The following SLCO5A1 variants were observed in gnomAD, a reference collection of about 807,000 sequenced individuals.
The protein encoded by SLCO5A1 is organic anion transporter polypeptide-related protein 4.
A neutral mutation model predicts 65.1 loss-of-function variants in SLCO5A1; 39 were observed. That is an observed-to-expected ratio of 0.60 (90% confidence interval 0.46 to 0.78). SLCO5A1 has a LOEUF of 0.78. Among genes scored for constraint, SLCO5A1 ranks in the 30% least tolerant of loss-of-function variants. The probability of loss-of-function intolerance (pLI) is 0.00; values close to 1 mark genes in which losing one functional copy is unlikely to be tolerated. For missense variants in SLCO5A1, 1,029 were observed against 1,069.4 expected, an observed-to-expected ratio of 0.96 and a Z score of 0.53; for synonymous variants, 438 against 415.7, an observed-to-expected ratio of 1.05 and a Z score of -0.65.
intron 6 of SLCO5A1, among the ~76,000 whole-genome samples, chr8:69,687,500 C>CT (rs1348405527): frequency 1.3e-5 from 2 of 152,154 alleles, no homozygotes; most frequent in Admixed American, 1.3e-4. Flanking sequence ...TATGTACAAA[C>CT]TATCTCTTTA....
intron 6 of SLCO5A1, among the ~76,000 whole-genome samples, chr8:69,689,371 T>C (rs1401649505): frequency 2.0e-5 from 2 of 100,740 alleles, no homozygotes; most frequent in African/African-American, 1.0e-4. Context: ...TTTTGGCTTT[T>C]GTTGCCATTG....
At chr8:69,722,023 C>A (rs1417290480) in intron 5 of SLCO5A1, among the ~76,000 whole-genome samples, 1 of 151,890 alleles carries the variant, frequency 6.6e-6, no homozygotes, top group African/African-American at 2.4e-5. Context: ...ACTACAAAAA[C>A]TAGCCAGGCA....
At chr8:69,826,173 A>C (rs1820903215) in intron 2 of SLCO5A1, among the ~76,000 whole-genome samples, 1 of 152,186 alleles carries the variant, frequency 6.6e-6, no homozygotes, top group Non-Finnish European at 1.5e-5. Flanking sequence ...AAACCATAAA[A>C]ACCCTAGAAG....
At chr8:69,753,584 T>C (rs1337865370) in intron 4 of SLCO5A1, among the ~76,000 whole-genome samples, 1 of 152,204 alleles carries the variant, frequency 6.6e-6, no homozygotes, top group Non-Finnish European at 1.5e-5. Flanking sequence ...TTCTCCCCGC[T>C]TTTTTCTACT....
intron 4 of SLCO5A1, among the ~76,000 whole-genome samples, chr8:69,739,910 T>C (rs1461407706): frequency 6.6e-6 from 1 of 152,198 alleles, no homozygotes; most frequent in Non-Finnish European, 1.5e-5. Flanking sequence ...TTTAGCAGCA[T>C]ATTAAAAGCC....
At chr8:69,676,753 C>T in intron 8 of SLCO5A1, 80 bp from the exon 9 acceptor site, 1 of 1,263,992 alleles carries the variant, frequency 7.9e-7, no homozygotes, top group Admixed American at 1.9e-5. Flanking sequence ...CGGCTTTGTG[C>T]AGAGCCAGGG....
At chr8:69,752,330 T>C (rs757914973) in intron 4 of SLCO5A1, among the ~76,000 whole-genome samples, 25 of 152,144 alleles carry the variant, frequency 1.6e-4, no homozygotes, top group Non-Finnish European at 3.7e-4. Flanking sequence ...CAAACTCAGA[T>C]TTAACTCAAA....
Position 69,705,047 on chromosome 8 carries a change from T to A in SLCO5A1, c.1606A>T (p.Ile536Phe), listed in dbSNP as rs765505667. Residue 536 changes from isoleucine to phenylalanine, a missense_variant, in exon 6 of 10, where the codon ATC (isoleucine) becomes TTC (phenylalanine). Ile to Phe is a conservative substitution (Grantham distance 21, BLOSUM62 0). Coordinates refer to ENST00000260126, the MANE Select transcript of SLCO5A1 (RefSeq NM_030958.3). ...GGTACTTACCCTGTTGTATAAGGGA[T>A]GTTTATGCCCCCTAGATTAATGCTT... Reference protein sequence around the residue: ...CESINLGGINIPYTTGPSLTM... With the variant: ...CESINLGGINFPYTTGPSLTM... 5 of 1,612,542 alleles carry A rather than the reference T, an allele frequency of 3.1e-6. No homozygotes were observed. Among genetic ancestry groups the A allele is most frequent in the Non-Finnish European group, 3.4e-6 (4 of 1,180,016 alleles).
At chr8:69,745,284 C>T in intron 4 of SLCO5A1, among the ~76,000 whole-genome samples, 1 of 151,878 alleles carries the variant, frequency 6.6e-6, no homozygotes. Flanking sequence ...ATTCCTTCCC[C>T]AGGATGTGTT....
intron 2 of SLCO5A1, among the ~76,000 whole-genome samples, chr8:69,806,117 G>T (rs1819978765): frequency 6.6e-6 from 1 of 152,172 alleles, no homozygotes; most frequent in African/African-American, 2.4e-5. Context: ...TGAAGGATGT[G>T]CCTGAGATGA....
chr8:69,816,617 A>T (rs967086594), intron 2 of SLCO5A1, among the ~76,000 whole-genome samples: 1 of 152,194 alleles, frequency 6.6e-6, no homozygotes, highest in African/African-American at 2.4e-5. Context: ...TTCCCCAGAA[A>T]CACACAGTAG....
At chr8:69,737,265 C>T (rs1048994066) in intron 5 of SLCO5A1, among the ~76,000 whole-genome samples, 3 of 152,174 alleles carry the variant, frequency 2.0e-5, no homozygotes, top group Non-Finnish European at 2.9e-5. Context: ...GAGCCTAAGT[C>T]ACTTGAAAAG....
chr8:69,762,703 A>G (rs559792846), intron 2 of SLCO5A1, among the ~76,000 whole-genome samples: 74 of 152,346 alleles, frequency 4.9e-4, no homozygotes, highest in Middle Eastern at 3.4e-3. Flanking sequence ...AGATTTTGCT[A>G]TGAGGCTGGA....
At chr8:69,828,274 TTTA>T (rs62726762) in intron 2 of SLCO5A1, among the ~76,000 whole-genome samples, 26,676 of 141,574 alleles carry the variant, frequency 0.19, 2,473 homozygotes, top group African/African-American at 0.27. Flanking sequence ...TTTTTTTTTT[TTTA>T]AAAAAAAAGC....
chr8:69,800,271 T>TTTTTTA (rs1819676935), intron 2 of SLCO5A1, among the ~76,000 whole-genome samples: 1 of 115,354 alleles, frequency 8.7e-6, no homozygotes, highest in African/African-American at 3.0e-5. Flanking sequence ...TTTTTTTTTT[T>TTTTTTA]GAGACAAGGT....
At chr8:69,797,493 G>C (rs1819552125) in intron 2 of SLCO5A1, among the ~76,000 whole-genome samples, 1 of 152,224 alleles carries the variant, frequency 6.6e-6, no homozygotes, top group African/African-American at 2.4e-5. Context: ...GAGCTGGGCG[G>C]AACAGAGCCA....
At chr8:69,751,628 A>G (rs1010444542) in intron 4 of SLCO5A1, among the ~76,000 whole-genome samples, 2 of 151,414 alleles carry the variant, frequency 1.3e-5, no homozygotes, top group Admixed American at 6.6e-5. Flanking sequence ...GCTCACTGCA[A>G]CCTCCACCTC....
At chr8:69,807,466 G>A (rs1820043476) in intron 2 of SLCO5A1, among the ~76,000 whole-genome samples, 1 of 151,998 alleles carries the variant, frequency 6.6e-6, no homozygotes, top group African/African-American at 2.4e-5. Flanking sequence ...CTGTTTAATC[G>A]AAGTTTTGTA....
intron 5 of SLCO5A1, among the ~76,000 whole-genome samples, chr8:69,714,670 C>T (rs1191184417): frequency 3.9e-5 from 6 of 152,314 alleles, no homozygotes; most frequent in Admixed American, 6.5e-5. Flanking sequence ...GAATTTCTAG[C>T]GTAGCCTTGC....
Sources: gnomAD v4.1 joint callset for allele counts (sites outside exome capture counted in the v4.1 genomes callset) on GRCh38, gnomAD v4.1.1 for gene constraint, MANE v1.5 for transcripts, NCBI Gene and HGNC (gene_info 2026-07-23, HGNC 2026-07-21) for gene names.